The following GLRA2 variants were observed in gnomAD, a reference collection of about 807,000 sequenced individuals.
GLRA2 encodes the protein glycine receptor alpha 2, also known as glycine receptor subunit alpha-2.
Under a neutral mutation model 31.6 loss-of-function variants are expected in GLRA2, and 11 were observed. The observed-to-expected ratio is 0.35, with a 90% confidence interval of 0.22 to 0.58. GLRA2 has a LOEUF of 0.58. GLRA2 is among the 20% of genes least tolerant of loss of function. GLRA2 has a pLI of 0.84. For synonymous variants in GLRA2, 132 were observed against 134.0 expected, an observed-to-expected ratio of 0.99 and a Z score of 0.10; for missense variants, 212 against 351.8, an observed-to-expected ratio of 0.60 and a Z score of 3.18.
At chrX:14,493,757 A>G in the GLRA2 span, among the ~76,000 whole-genome samples, 2 of 99,454 alleles carry the variant, frequency 2.0e-5, no homozygotes, top group African/African-American at 7.9e-5. Context: ...GTGTATATGT[A>G]TACATATGTA....
At chrX:14,599,317 T>C (rs1026011131) in intron 4 of GLRA2, among the ~76,000 whole-genome samples, 1 of 112,114 alleles carries the variant, frequency 8.9e-6, no homozygotes, top group African/African-American at 3.2e-5. Context: ...TATTTCAGAT[T>C]ATCGGGGAAG....
At chrX:14,481,947 G>A in the GLRA2 span, among the ~76,000 whole-genome samples, 2 of 110,861 alleles carry the variant, frequency 1.8e-5, no homozygotes, top group South Asian at 7.5e-4. Flanking sequence ...AGAAAACAAT[G>A]TTTCTATTTT....
At chrX:14,681,189 T>G (rs2091197646) in intron 7 of GLRA2, among the ~76,000 whole-genome samples, 2 of 112,177 alleles carry the variant, frequency 1.8e-5, no homozygotes, top group Admixed American at 1.9e-4. Context: ...AAGCAAATGT[T>G]CCAGGAATGT....
chrX:14,717,843 C>A (rs1195387204), intron 8 of GLRA2, among the ~76,000 whole-genome samples: 2 of 109,456 alleles, frequency 1.8e-5, no homozygotes, highest in African/African-American at 6.6e-5. Context: ...TCAAAGAAAT[C>A]ATCCACTGAT....
At chrX:14,535,129 G>T (rs1047473343) in intron 2 of GLRA2, among the ~76,000 whole-genome samples, 1 of 111,573 alleles carries the variant, frequency 9.0e-6, no homozygotes, top group East Asian at 2.8e-4. Flanking sequence ...GAAGATAGAA[G>T]GGCAAAATTT....
At chrX:14,529,122 C>T (rs949516337), upstream of GLRA2, among the ~76,000 whole-genome samples, 6 of 111,407 alleles carry the variant, frequency 5.4e-5, no homozygotes, top group Non-Finnish European at 1.1e-4. Flanking sequence ...CCGGCTTGCA[C>T]TGACAAAGAG....
chrX:14,711,800 T>G (rs1384582021), intron 8 of GLRA2, among the ~76,000 whole-genome samples: 1 of 112,401 alleles, frequency 8.9e-6, no homozygotes, highest in Non-Finnish European at 1.9e-5. Context: ...AAACCAGAGT[T>G]TTCGCTCCAG....
intron 7 of GLRA2, among the ~76,000 whole-genome samples, chrX:14,623,327 TG>T (rs1339452940): frequency 2.7e-5 from 3 of 111,437 alleles, no homozygotes; most frequent in Admixed American, 1.9e-4. Context: ...TTTTCCTAAT[TG>T]AATACCCTTT....
chrX:14,450,585 C>T, the GLRA2 span, among the ~76,000 whole-genome samples: 3 of 111,987 alleles, frequency 2.7e-5, no homozygotes, highest in Admixed American at 2.8e-4. Context: ...ATGGCCCTTA[C>T]TCTTAAGCGC....
At chrX:14,535,254 T>C (rs1175964498) in intron 2 of GLRA2, among the ~76,000 whole-genome samples, 1 of 112,356 alleles carries the variant, frequency 8.9e-6, no homozygotes, top group African/African-American at 3.2e-5. Context: ...CTGCCCTGCA[T>C]TGGCAAGGGA....
At chrX:14,623,812 T>G (rs1389140057) in intron 7 of GLRA2, among the ~76,000 whole-genome samples, 1 of 111,495 alleles carries the variant, frequency 9.0e-6, no homozygotes, top group Non-Finnish European at 1.9e-5. Context: ...AAAATTTTCT[T>G]TTTTTGTTGT....
At chrX:14,498,456 C>G in the GLRA2 span, among the ~76,000 whole-genome samples, 2 of 110,432 alleles carry the variant, frequency 1.8e-5, no homozygotes, top group Middle Eastern at 9.7e-3. Flanking sequence ...TATTTTCCCC[C>G]CTAGGTCATT....
chrX:14,501,968 T>C, the GLRA2 span, among the ~76,000 whole-genome samples: 5 of 111,619 alleles, frequency 4.5e-5, no homozygotes, highest in Admixed American at 1.9e-4. Flanking sequence ...CATGTGTCAG[T>C]GTCCTAATCT....
rs181477533 is a variant in GLRA2 at position 14,661,312 on chromosome X, C to G, written c.931-29398C>G. Among the ~76,000 whole-genome samples the G allele has an allele frequency of 4.5e-5, 5 of 112,010 alleles. No individual in the cohort carries two copies. In the Admixed American group the frequency reaches 4.7e-4, roughly 11 times the overall value. On this transcript the variant is annotated intron_variant, in intron 7 of 8. Coordinates refer to ENST00000218075, the MANE Select transcript of GLRA2 (RefSeq NM_002063.4). ...TATGGACTTTGAACTTGGCAGTGTG[C>G]TATCTTTTCCATCATTTAAGTTGTA...
intron 2 of GLRA2, among the ~76,000 whole-genome samples, chrX:14,557,478 T>C (rs111720478): frequency 0.2 from 22,565 of 111,592 alleles, 2,213 homozygotes; most frequent in Non-Finnish European, 0.31. Flanking sequence ...GTGAGACTTT[T>C]TCATAAGAAA....
chrX:14,548,590 C>T (rs5935766), intron 2 of GLRA2, among the ~76,000 whole-genome samples: 22,513 of 110,684 alleles, frequency 0.2, 2,249 homozygotes, highest in Non-Finnish European at 0.31. Flanking sequence ...TTCTACTTTA[C>T]CACTATTTCA....
intron 4 of GLRA2, among the ~76,000 whole-genome samples, chrX:14,593,764 C>T (rs989347214): frequency 1.8e-5 from 2 of 112,986 alleles, no homozygotes; most frequent in African/African-American, 3.2e-5. Flanking sequence ...AGGGCGACAA[C>T]GCCCCTTACC....
chrX:14,607,047 CT>C, intron 5 of GLRA2, 83 bp from the exon 6 acceptor site: 1 of 664,248 alleles, frequency 1.5e-6, no homozygotes, highest in Non-Finnish European at 2.4e-6. Flanking sequence ...TAGACAGTTT[CT>C]TTGTTTGTTT....
At chrX:14,669,055 G>A (rs1387829619) in intron 7 of GLRA2, among the ~76,000 whole-genome samples, 1 of 112,295 alleles carries the variant, frequency 8.9e-6, no homozygotes. Flanking sequence ...CAGGCATTGG[G>A]CAAATACAGC....
Sources: allele counts gnomAD v4.1 joint callset (sites outside exome capture counted in the v4.1 genomes callset), GRCh38; gene constraint gnomAD v4.1.1; transcripts MANE v1.5; gene names NCBI Gene and HGNC (gene_info 2026-07-23, HGNC 2026-07-21).